The following GSK3B variants were observed in gnomAD, a reference collection of about 807,000 sequenced individuals.
GSK3B encodes the protein glycogen synthase kinase 3 beta, also known as glycogen synthase kinase-3 beta.
GSK3B carries 15 observed loss-of-function variants against 56.4 expected under a neutral mutation model. The observed-to-expected ratio is 0.27, with a 90% CI of 0.18 to 0.41. The LOEUF (loss-of-function observed/expected upper bound fraction) is 0.41. Ranked by LOEUF, GSK3B falls within the 10% of genes least tolerant of loss-of-function variation. GSK3B has a pLI of 1.00. For missense variants in GSK3B, 300 were observed against 513.4 expected (o/e 0.58, Z 4.02); for synonymous variants, 181 against 188.9 (o/e 0.96, Z 0.34).
chr3:119,830,839 C>T (rs1002507620), intron 10 of GSK3B, among the ~76,000 whole-genome samples: 3 of 152,138 alleles, frequency 2.0e-5, no homozygotes, highest in Non-Finnish European at 4.4e-5. Context: ...GGTAGTAATA[C>T]CACCCACCTA....
At chr3:119,919,905 G>GA (rs112249816) in intron 4 of GSK3B, among the ~76,000 whole-genome samples, 3,903 of 150,816 alleles carry the variant, frequency 0.026, 168 homozygotes, top group African/African-American at 0.089. Flanking sequence ...ATTTTTAACT[G>GA]AAAAAAAAGA....
chr3:120,011,291 T>C (rs941560741), intron 1 of GSK3B, among the ~76,000 whole-genome samples: 2 of 152,114 alleles, frequency 1.3e-5, no homozygotes, highest in South Asian at 2.1e-4. Context: ...CCTCCACAGG[T>C]TCTACTTCTT....
At chr3:120,077,393 T>A (rs2058376157) in intron 1 of GSK3B, among the ~76,000 whole-genome samples, 1 of 151,886 alleles carries the variant, frequency 6.6e-6, no homozygotes, top group South Asian at 2.1e-4. Flanking sequence ...CAGAAAAAAA[T>A]ATATATCATG....
chr3:119,845,475 T>C (rs1332612476), intron 9 of GSK3B, among the ~76,000 whole-genome samples: 2 of 152,168 alleles, frequency 1.3e-5, no homozygotes, highest in African/African-American at 4.8e-5. Context: ...AGTCGCAGGA[T>C]ACAAAATCAA....
intron 1 of GSK3B, among the ~76,000 whole-genome samples, chr3:120,042,921 C>G (rs1368198469): frequency 2.0e-5 from 3 of 152,218 alleles, no homozygotes; most frequent in African/African-American, 7.2e-5. Flanking sequence ...AAGATACAGG[C>G]CTTTCCCTTT....
intron 7 of GSK3B, among the ~76,000 whole-genome samples, chr3:119,896,686 T>TTTTAACTACTA (rs1353806150): frequency 5.3e-5 from 8 of 152,186 alleles, no homozygotes; most frequent in Non-Finnish European, 1.2e-4. Flanking sequence ...GAATCATTGG[T>TTTTAACTACTA]GTCAAACATT....
intron 2 of GSK3B, among the ~76,000 whole-genome samples, chr3:119,959,090 A>G (rs2057244271): frequency 6.6e-6 from 1 of 152,168 alleles, no homozygotes; most frequent in African/African-American, 2.4e-5. Context: ...TTTCCAGGAC[A>G]CTAAATTATC....
chr3:120,059,554 T>G (rs1445206558), intron 1 of GSK3B, among the ~76,000 whole-genome samples: 1 of 152,172 alleles, frequency 6.6e-6, no homozygotes, highest in African/African-American at 2.4e-5. Flanking sequence ...TTTTTACAAC[T>G]TCCGAATTCC....
chr3:119,981,518 A>G (rs2057461591), intron 2 of GSK3B, among the ~76,000 whole-genome samples: 1 of 152,236 alleles, frequency 6.6e-6, no homozygotes, highest in South Asian at 2.1e-4. Context: ...CCAAGGTCTT[A>G]GCACCCGCTG....
At chr3:119,941,434 A>G (rs1451349671) in intron 3 of GSK3B, among the ~76,000 whole-genome samples, 1 of 152,212 alleles carries the variant, frequency 6.6e-6, no homozygotes, top group East Asian at 1.9e-4. Flanking sequence ...GCTAAACACT[A>G]TAGCATACTA....
chr3:119,989,405 G>A (rs1251571874), intron 2 of GSK3B, among the ~76,000 whole-genome samples: 1 of 152,122 alleles, frequency 6.6e-6, no homozygotes, highest in East Asian at 1.9e-4. Flanking sequence ...CATTTTGGGA[G>A]GCTGAGGCAC....
chr3:119,967,645 G>A (rs900132580), intron 2 of GSK3B, among the ~76,000 whole-genome samples: 1 of 152,210 alleles, frequency 6.6e-6, no homozygotes, highest in Non-Finnish European at 1.5e-5. Context: ...TATAACAAAA[G>A]AATAGATTTT....
At chr3:120,029,692 A>T (rs1179954134) in intron 1 of GSK3B, 4 of 532,574 alleles carry the variant, frequency 7.5e-6, no homozygotes, top group South Asian at 1.5e-5. Flanking sequence ...GATACAGCAG[A>T]AATCTTCATG....
intron 3 of GSK3B, among the ~76,000 whole-genome samples, chr3:119,934,233 C>T (rs774712393): frequency 1.3e-5 from 2 of 152,140 alleles, no homozygotes; most frequent in African/African-American, 4.8e-5. Context: ...AAACTAAACA[C>T]TACATCAGTC....
chr3:120,093,779 T>C lies in GSK3B; in HGVS notation c.-345A>G. On this transcript the variant is annotated 5_prime_UTR_variant, in exon 1 of 11. Transcript: ENST00000264235. ...ACGTGAAACGGGGGCAAATACTTGA[T>C]TGAAAATGAGTACTTCGAATATTAT... 1 of 268,686 alleles carries C rather than the reference T, an allele frequency of 3.7e-6. No individual in the cohort carries two copies. 16.6% of individuals were successfully genotyped at this position (268,686 alleles called of 1,614,324 possible).
intron 2 of GSK3B, among the ~76,000 whole-genome samples, chr3:119,960,940 G>A (rs1008580587): frequency 1.3e-5 from 2 of 152,030 alleles, no homozygotes; most frequent in Admixed American, 6.6e-5. Context: ...ATCTATGGTC[G>A]AACATGTATT....
At chr3:119,999,405 A>C (rs2057654184) in intron 2 of GSK3B, among the ~76,000 whole-genome samples, 1 of 152,208 alleles carries the variant, frequency 6.6e-6, no homozygotes, top group Non-Finnish European at 1.5e-5. Context: ...TGACAAGTTA[A>C]TTTAAAATTT....
intron 1 of GSK3B, among the ~76,000 whole-genome samples, chr3:120,072,943 T>G (rs1182246367): frequency 1.3e-5 from 2 of 152,190 alleles, no homozygotes; most frequent in Non-Finnish European, 1.5e-5. Flanking sequence ...GCTCCATTTC[T>G]GTACATTCGC....
chr3:120,036,987 T>C (rs1035172982), intron 1 of GSK3B, among the ~76,000 whole-genome samples: 8 of 152,158 alleles, frequency 5.3e-5, no homozygotes, highest in African/African-American at 1.9e-4. Flanking sequence ...CACTCAAAAT[T>C]TGTTTTAACT....
Sources: allele counts gnomAD v4.1 joint callset (sites outside exome capture counted in the v4.1 genomes callset), GRCh38; gene constraint gnomAD v4.1.1; transcripts MANE v1.5; gene names NCBI Gene and HGNC (gene_info 2026-07-23, HGNC 2026-07-21).